Variants in RBFOX1 observed in about 807,000 individuals in gnomAD.
RBFOX1 encodes the protein RNA binding protein fox-1 homolog 1.
Under a neutral mutation model 57.7 loss-of-function variants are expected in RBFOX1, and 8 were observed. The observed-to-expected ratio is 0.14, with a 90% CI of 0.08 to 0.25. RBFOX1 has a LOEUF of 0.25. RBFOX1 is among the 10% of genes least tolerant of loss of function. The pLI, the probability that RBFOX1 is intolerant of heterozygous loss-of-function variation, is 1.00. For synonymous variants in RBFOX1, 326 were observed against 222.4 expected (o/e 1.47, Z -4.15); for missense variants, 611 against 548.5 (o/e 1.11, Z -1.14).
intron 4 of RBFOX1, among the ~76,000 whole-genome samples, chr16:7,239,895 C>T (rs1603431597): frequency 6.6e-6 from 1 of 152,186 alleles, no homozygotes; most frequent in Middle Eastern, 3.4e-3. Flanking sequence ...CTAAAAGGAA[C>T]ATTTCTCATT....
At chr16:6,793,528 A>G (rs1290824778) in intron 3 of RBFOX1, among the ~76,000 whole-genome samples, 3 of 152,148 alleles carry the variant, frequency 2.0e-5, no homozygotes, top group Non-Finnish European at 4.4e-5. Flanking sequence ...AAACATTTCT[A>G]GGTCTTTGTT....
chr16:7,694,491 G>T (rs929166107), intron 14 of RBFOX1, among the ~76,000 whole-genome samples: 1 of 152,148 alleles, frequency 6.6e-6, no homozygotes, highest in Admixed American at 6.6e-5. Context: ...CCTTCATAAC[G>T]GGTTAAAGTC....
intron 1 of RBFOX1, among the ~76,000 whole-genome samples, chr16:5,271,389 A>G (rs1264337584): frequency 3.3e-5 from 5 of 152,168 alleles, no homozygotes; most frequent in Admixed American, 2.6e-4. Context: ...ACACATACAT[A>G]CATACCCAGG....
chr16:7,674,853 A>C (rs892226515), intron 13 of RBFOX1, among the ~76,000 whole-genome samples: 6 of 152,196 alleles, frequency 3.9e-5, no homozygotes, highest in Non-Finnish European at 8.8e-5. Flanking sequence ...CCATTGACTG[A>C]AACTAAGGCA....
chr16:7,220,076 G>A (rs2092605243), intron 4 of RBFOX1, among the ~76,000 whole-genome samples: 2 of 152,162 alleles, frequency 1.3e-5, no homozygotes, highest in South Asian at 2.1e-4. Flanking sequence ...TGACCTTAGA[G>A]AGATCAATTG....
chr16:7,236,719 G>T (rs940249516), intron 4 of RBFOX1, among the ~76,000 whole-genome samples: 2 of 151,968 alleles, frequency 1.3e-5, no homozygotes, highest in Non-Finnish European at 2.9e-5. Context: ...CTAAGCCACT[G>T]CAAGCACGCA....
intron 4 of RBFOX1, among the ~76,000 whole-genome samples, chr16:5,924,122 C>T (rs1430190025): frequency 2.0e-5 from 3 of 152,082 alleles, no homozygotes; most frequent in Non-Finnish European, 4.4e-5. Context: ...TCATCCCGTC[C>T]TGCTACCCCA....
At chr16:7,362,258 G>A (rs1286259789) in intron 4 of RBFOX1, among the ~76,000 whole-genome samples, 1 of 150,564 alleles carries the variant, frequency 6.6e-6, no homozygotes, top group Non-Finnish European at 1.5e-5. Context: ...TTTTTTGTTA[G>A]TATGTGTGTT....
At chr16:7,449,504 C>G (rs1038375048) in intron 4 of RBFOX1, among the ~76,000 whole-genome samples, 12 of 152,074 alleles carry the variant, frequency 7.9e-5, no homozygotes, top group Admixed American at 7.2e-4. Flanking sequence ...TGCAGTAGCT[C>G]TGAGTCATGA....
At chr16:7,233,700 C>T (rs1318681550) in intron 4 of RBFOX1, among the ~76,000 whole-genome samples, 1 of 152,340 alleles carries the variant, frequency 6.6e-6, no homozygotes, top group African/African-American at 2.4e-5. Context: ...GCCCCATGAA[C>T]TTCCAACTCG....
chr16:6,021,348 A>G (rs1450542730), intron 1 of RBFOX1, among the ~76,000 whole-genome samples: 1 of 152,096 alleles, frequency 6.6e-6, no homozygotes. Context: ...TCTTTGTTAC[A>G]AAAGAGAGAA....
intron 4 of RBFOX1, among the ~76,000 whole-genome samples, chr16:5,938,936 C>T (rs1410869643): frequency 1.3e-5 from 2 of 152,134 alleles, no homozygotes; most frequent in African/African-American, 2.4e-5. Context: ...AGTTTATGTC[C>T]TTTGTAGGGA....
chr16:7,025,527 T>C (rs1195029006), intron 3 of RBFOX1, among the ~76,000 whole-genome samples: 1 of 152,128 alleles, frequency 6.6e-6, no homozygotes, highest in Non-Finnish European at 1.5e-5. Context: ...GTTGCTCTGG[T>C]TCAAACACCT....
At chr16:6,665,292 C>A (rs1336210752) in intron 3 of RBFOX1, among the ~76,000 whole-genome samples, 2 of 152,030 alleles carry the variant, frequency 1.3e-5, no homozygotes, top group African/African-American at 2.4e-5. Context: ...GGGATGGGGT[C>A]CAGCTAAATG....
In RBFOX1 at chr16:6,019,428, C is replaced by T; in HGVS notation, c.-691C>T. On this transcript the variant is annotated 5_prime_UTR_variant, in exon 1 of 16. Transcript: ENST00000550418. The surrounding 1 kb of genome is among the most constrained non-coding windows in gnomAD (Gnocchi z 4.2). Reference sequence around the variant, plus strand: ...AGGGTGGCGGACGGCGGACGGAGCCCAGGGGCCGCGTCGGGTGGGGAAACC... The same window carrying T: ...AGGGTGGCGGACGGCGGACGGAGCCTAGGGGCCGCGTCGGGTGGGGAAACC... The T allele has an allele frequency of 2.0e-6, 2 of 988,294 alleles. No homozygotes were observed. Among genetic ancestry groups the T allele is most frequent in the Non-Finnish European group, 2.4e-6 (2 of 832,082 alleles). The allele number at this position is 988,294 out of a possible 1,614,324, so 61.2% of individuals were successfully genotyped here.
intron 1 of RBFOX1, among the ~76,000 whole-genome samples, chr16:6,121,387 T>C (rs993164409): frequency 1.2e-4 from 19 of 152,186 alleles, no homozygotes; most frequent in African/African-American, 4.6e-4. Flanking sequence ...GAGTGTGCTG[T>C]GGACCACCTT....
At chr16:6,195,832 A>G (rs2097176453) in intron 1 of RBFOX1, among the ~76,000 whole-genome samples, 1 of 152,152 alleles carries the variant, frequency 6.6e-6, no homozygotes, top group South Asian at 2.1e-4. Context: ...AGCAGTAGCC[A>G]TTTAAGAGCC....
chr16:7,122,104 T>G (rs1032442333), intron 4 of RBFOX1, among the ~76,000 whole-genome samples: 1 of 152,020 alleles, frequency 6.6e-6, no homozygotes, highest in Non-Finnish European at 1.5e-5. Flanking sequence ...AAATAAGAAT[T>G]TTTGGCCATG....
intron 4 of RBFOX1, among the ~76,000 whole-genome samples, chr16:7,057,777 G>T (rs1302630289): frequency 6.6e-6 from 1 of 152,136 alleles, no homozygotes; most frequent in Non-Finnish European, 1.5e-5. Flanking sequence ...GGAGGCCAAG[G>T]TGGGTGGATC....
Sources: allele counts gnomAD v4.1 joint callset (sites outside exome capture counted in the v4.1 genomes callset), GRCh38; gene constraint gnomAD v4.1.1; non-coding constraint Gnocchi (gnomAD v3.1); transcripts MANE v1.5; gene names NCBI Gene and HGNC (gene_info 2026-07-23, HGNC 2026-07-21).